The following ASB11 variants were observed in gnomAD, a reference collection of about 807,000 sequenced individuals.
ASB11 encodes ankyrin repeat and SOCS box containing 11, also known as ankyrin repeat and SOCS box protein 11.
In ASB11, 17 loss-of-function variants were observed where a neutral mutation model predicts 20.1. The ratio of observed to expected loss-of-function variants is 0.85; its 90% CI spans 0.58 to 1.27. ASB11 has a LOEUF of 1.27. ASB11 is among the 50% of genes most tolerant of loss of function. ASB11 has a pLI of 0.00. For missense variants in ASB11, 259 were observed against 256.9 expected, an observed-to-expected ratio of 1.01 and a Z score of -0.06; for synonymous variants, 107 against 105.6, an observed-to-expected ratio of 1.01 and a Z score of -0.08.
At chrX:15,297,722 A>G (rs897287900) in intron 2 of ASB11, 41 bp from the exon 3 acceptor site, 3 of 1,143,106 alleles carry the variant, frequency 2.6e-6, no homozygotes, top group Admixed American at 2.2e-5. Flanking sequence ...TTTTTTACAG[A>G]CTGGGGTCTC....
chrX:15,304,810 G>A (rs1921185100), intron 1 of ASB11, among the ~76,000 whole-genome samples: 1 of 111,866 alleles, frequency 8.9e-6, no homozygotes, highest in South Asian at 3.7e-4. Context: ...GGGAGGCAGA[G>A]GTTGCAGTGA....
At chrX:15,308,880 G>A (rs1921329831) in intron 1 of ASB11, among the ~76,000 whole-genome samples, 1 of 111,603 alleles carries the variant, frequency 9.0e-6, no homozygotes, top group South Asian at 3.8e-4. Context: ...GGGCTGCACA[G>A]CAGGAAGTGA....
chrX:15,284,188 C>G (rs1485838240), intron 6 of ASB11, among the ~76,000 whole-genome samples: 2 of 101,445 alleles, frequency 2.0e-5, no homozygotes, highest in Non-Finnish European at 3.9e-5. Context: ...GGAGGCGGAG[C>G]TTGCAGTGAG....
intron 3 of ASB11, among the ~76,000 whole-genome samples, chrX:15,296,134 A>C (rs1920962635): frequency 9.0e-6 from 1 of 111,676 alleles, no homozygotes; most frequent in African/African-American, 3.3e-5. Context: ...CTGTAATCCC[A>C]GTTACTCAGG....
chrX:15,292,869 C>T (rs905819066), intron 4 of ASB11, among the ~76,000 whole-genome samples: 12 of 111,852 alleles, frequency 1.1e-4, no homozygotes, highest in African/African-American at 3.9e-4. Context: ...GCTGTACCAG[C>T]TGCCACCAAA....
At chrX:15,310,934 C>A (rs1413111847) in intron 1 of ASB11, among the ~76,000 whole-genome samples, 1 of 111,728 alleles carries the variant, frequency 9.0e-6, no homozygotes, top group Non-Finnish European at 1.9e-5. Flanking sequence ...TTGCAGTGAG[C>A]CGAGATCACA....
chrX:15,298,653 A>G lies in ASB11; in HGVS notation c.262-972T>C, dbSNP rs753808708. Among the ~76,000 whole-genome samples, 7 of 111,628 alleles carry G rather than the reference A, an allele frequency of 6.3e-5. 1 individual carries two copies. The highest frequency in any genetic ancestry group is 1.3e-4 in the Non-Finnish European group (7 of 53,089). On this transcript the variant is annotated intron_variant, in intron 2 of 6. Transcript: ENST00000480796. ...GACCAAAGCAAGGAGAGCCACAGAG[A>G]TGTCACTATGAGTCTAGGAACAGGC...
chrX:15,315,540 A>T lies in ASB11; in HGVS notation c.66T>A (p.Phe22Leu). ...NIFITMFATF[F>L]FFKLLIKVFL... ...AAACTTTAATTAAAAGCTTAAAGAA[A>T]AAAAACGTAGCAAACATTGTAATAA... The change falls in exon 1 of 7, where the codon TTT becomes TTA. Residue 22 changes from phenylalanine to leucine, a missense_variant. Coordinates refer to ENST00000480796, the MANE Select transcript of ASB11 (RefSeq NM_080873.3). The T allele has an allele frequency of 8.4e-7, 1 of 1,194,650 alleles. No homozygotes were observed.
At chrX:15,296,839 C>T (rs910476281) in intron 3 of ASB11, among the ~76,000 whole-genome samples, 6 of 111,548 alleles carry the variant, frequency 5.4e-5, no homozygotes, top group Non-Finnish European at 3.8e-5. Flanking sequence ...AACAGAGATA[C>T]CATATGATCC....
At chrX:15,305,358 G>A (rs1042936617) in intron 1 of ASB11, among the ~76,000 whole-genome samples, 1 of 111,611 alleles carries the variant, frequency 9.0e-6, no homozygotes, top group African/African-American at 3.3e-5. Context: ...AAACTGAGGG[G>A]ACATTTTACA....
At chrX:15,291,549 A>G (rs1253860181) in intron 4 of ASB11, among the ~76,000 whole-genome samples, 1 of 108,440 alleles carries the variant, frequency 9.2e-6, no homozygotes, top group African/African-American at 3.4e-5. Flanking sequence ...TTACTAAAAA[A>G]TACAAAAATC....
chrX:15,288,779 G>A (rs978970791), intron 5 of ASB11, among the ~76,000 whole-genome samples: 4 of 110,306 alleles, frequency 3.6e-5, no homozygotes, highest in Non-Finnish European at 5.7e-5. Flanking sequence ...CAGCTACTCC[G>A]GCGGCTAGGG....
chrX:15,300,442 A>C (rs1456678668), intron 2 of ASB11, among the ~76,000 whole-genome samples: 1 of 112,931 alleles, frequency 8.9e-6, no homozygotes, highest in Admixed American at 9.4e-5. Flanking sequence ...TATTATCTAA[A>C]TGTAAAATAA....
At chrX:15,303,572 C>A (rs1187994054) in intron 1 of ASB11, among the ~76,000 whole-genome samples, 5 of 111,150 alleles carry the variant, frequency 4.5e-5, no homozygotes, top group Non-Finnish European at 9.4e-5. Flanking sequence ...TTTAATCTCC[C>A]AAAAGTTTTT....
rs1349433413 is a variant in ASB11 at position 15,282,139 on chromosome X, G to C, written c.*1366C>G. On this transcript the variant is annotated 3_prime_UTR_variant, in exon 7 of 7. Transcript: ENST00000480796. ...TCTGCAGACATTGACAAATGTCTCAGTGGGAGTGGGGCAAAATTGTCTCCA... is the reference window on the plus strand; with the variant it reads ...TCTGCAGACATTGACAAATGTCTCACTGGGAGTGGGGCAAAATTGTCTCCA... The C allele has an allele frequency of 1.8e-5, 2 of 111,140 alleles. No individual in the cohort carries two copies. The highest frequency in any genetic ancestry group is 3.8e-5 in the Non-Finnish European group (2 of 53,043). The allele number at this position is 111,140 out of a possible 1,213,427, so 9.2% of individuals were successfully genotyped here. A position where few individuals can be genotyped will look rare whatever the true frequency, so the allele number is the denominator to read the frequency against.
intron 1 of ASB11, among the ~76,000 whole-genome samples, chrX:15,314,812 A>T (rs1921562315): frequency 9.0e-6 from 1 of 110,838 alleles, no homozygotes; most frequent in African/African-American, 3.3e-5. Context: ...AAAGAAATGG[A>T]CACTATTCTC....
chrX:15,299,108 C>G (rs5934233), intron 2 of ASB11, among the ~76,000 whole-genome samples: 35,955 of 111,077 alleles, frequency 0.32, 4,680 homozygotes, highest in South Asian at 0.56. Flanking sequence ...TTCCCTCCCT[C>G]TGATGATCAC....
At chrX:15,286,663 CAAAAAAA>C (rs764801887) in intron 6 of ASB11, among the ~76,000 whole-genome samples, 3 of 54,406 alleles carry the variant, frequency 5.5e-5, no homozygotes, top group African/African-American at 1.5e-4. Context: ...GACTCCATCT[CAAAAAAA>C]AAAAAAAAAA....
rs778056389 is a variant in ASB11, at chrX:15,315,143, G to T, written c.181+282C>A. Among the ~76,000 whole-genome samples, 47 of 111,480 alleles carry T rather than the reference G, an allele frequency of 4.2e-4. No individual in the cohort carries two copies. In the South Asian group the frequency reaches 0.017, roughly 41 times the overall value. On this transcript the variant is annotated intron_variant, in intron 1 of 6. Coordinates refer to ENST00000480796, the MANE Select transcript of ASB11 (RefSeq NM_080873.3). The stretch of plus-strand genomic sequence containing the variant: ...TAATTATATACAAGTAATTACTTTG[G>T]CTAGTAGAAATGAAGTTTCTCAAAA...
Sources: allele counts gnomAD v4.1 joint callset (sites outside exome capture counted in the v4.1 genomes callset), GRCh38; gene constraint gnomAD v4.1.1; transcripts MANE v1.5; gene names NCBI Gene and HGNC (gene_info 2026-07-23, HGNC 2026-07-21).